NKAIN3: variants seen among roughly 807,000 people sequenced by gnomAD.
NKAIN3 encodes the protein sodium/potassium-transporting ATPase subunit beta-1-interacting protein 3.
Under a neutral mutation model 30.2 loss-of-function variants are expected in NKAIN3, and 25 were observed. The ratio of observed to expected loss-of-function variants is 0.83; its 90% CI spans 0.60 to 1.16. The LOEUF (loss-of-function observed/expected upper bound fraction) is 1.16. NKAIN3 is among the 50% of genes most tolerant of loss of function. The pLI, the probability that NKAIN3 is intolerant of heterozygous loss-of-function variation, is 0.00. For missense variants in NKAIN3, 225 were observed against 254.1 expected, an observed-to-expected ratio of 0.89 and a Z score of 0.78; for synonymous variants, 91 against 89.6, an observed-to-expected ratio of 1.02 and a Z score of -0.09.
intron 1 of NKAIN3, among the ~76,000 whole-genome samples, chr8:62,464,651 C>G (rs1048708221): frequency 6.6e-6 from 1 of 152,012 alleles, no homozygotes; most frequent in Non-Finnish European, 1.5e-5. Context: ...GAAAAGTCTC[C>G]CGTGATGGGT....
intron 1 of NKAIN3, among the ~76,000 whole-genome samples, chr8:62,507,691 C>G (rs1187378797): frequency 6.6e-6 from 1 of 151,950 alleles, no homozygotes; most frequent in African/African-American, 2.4e-5. Flanking sequence ...TTATATGACT[C>G]TCTTTTCCTT....
chr8:62,801,068 G>T (rs1163190226), intron 4 of NKAIN3, among the ~76,000 whole-genome samples: 1 of 152,202 alleles, frequency 6.6e-6, no homozygotes, highest in Non-Finnish European at 1.5e-5. Context: ...TGGGGGAGGG[G>T]CTCCCACCAT....
intron 3 of NKAIN3, among the ~76,000 whole-genome samples, chr8:62,667,028 G>C (rs1813125506): frequency 6.6e-6 from 1 of 151,336 alleles, no homozygotes. Flanking sequence ...AGTAAGTAAA[G>C]AATAAAGTAT....
At position 62,603,470 on chromosome 8, in the gene NKAIN3, T is replaced by C. The variant is rs1209144326; in HGVS notation, c.273+13676T>C. On this transcript the variant is annotated intron_variant, in intron 3 of 6. Transcript: ENST00000623646. ...AATTACTCAATGCTACTCCCACGTA[T>C]GTTACAGAGGCAAAACTTAAGTCAT... Among the ~76,000 whole-genome samples the C allele has an allele frequency of 5.9e-5, 9 of 152,290 alleles. 1 individual carries two copies. The highest frequency in any genetic ancestry group is 1.0e-4 in the Non-Finnish European group (7 of 68,010).
Position 62,305,642 on chromosome 8 carries a change from G to C in NKAIN3, c.54+56515G>C, listed in dbSNP as rs1267871375. ...CTTTAAAATATCTGTCCAGGATGCTGTAAATCTCTTTGGAGGTCTAAACAC... is the reference window on the plus strand; with the variant it reads ...CTTTAAAATATCTGTCCAGGATGCTCTAAATCTCTTTGGAGGTCTAAACAC... On this transcript the variant is annotated intron_variant, in intron 1 of 6. Coordinates refer to ENST00000623646, the MANE Select transcript of NKAIN3 (RefSeq NM_001304533.3). Among the ~76,000 whole-genome samples, 2 of 150,514 alleles carry C rather than the reference G, an allele frequency of 1.3e-5. 1 individual carries two copies. Among genetic ancestry groups the C allele is most frequent in the African/African-American group, 5.0e-5 (2 of 39,896 alleles).
chr8:62,352,831 C>T (rs1039062773), intron 1 of NKAIN3, among the ~76,000 whole-genome samples: 2 of 152,142 alleles, frequency 1.3e-5, no homozygotes, highest in South Asian at 2.1e-4. Context: ...CTTTGTGGAA[C>T]ACCCACTACT....
At chr8:62,819,849 T>A (rs939987760) in intron 4 of NKAIN3, among the ~76,000 whole-genome samples, 31 of 152,074 alleles carry the variant, frequency 2.0e-4, no homozygotes, top group African/African-American at 7.2e-4. Flanking sequence ...ATAATTTTTT[T>A]AAAAACTTCA....
intron 5 of NKAIN3, among the ~76,000 whole-genome samples, chr8:62,919,447 G>T (rs922508317): frequency 6.6e-6 from 1 of 151,270 alleles, no homozygotes; most frequent in Non-Finnish European, 1.5e-5. Context: ...GGGTTTCACC[G>T]TGTTAGCCAG....
chr8:62,933,756 G>A (rs569491953), intron 5 of NKAIN3, among the ~76,000 whole-genome samples: 1 of 152,310 alleles, frequency 6.6e-6, no homozygotes, highest in South Asian at 2.1e-4. Context: ...AAATAAAAAT[G>A]TTGAATAGCT....
chr8:62,871,922 C>T (rs2060176219), intron 4 of NKAIN3, among the ~76,000 whole-genome samples: 1 of 152,166 alleles, frequency 6.6e-6, no homozygotes, highest in Admixed American at 6.5e-5. Flanking sequence ...ATGGAATCCA[C>T]ATAGGAATTT....
Position 62,382,829 on chromosome 8 carries a change from C to A in NKAIN3, c.54+133702C>A, listed in dbSNP as rs1225672745. 2.6e-5 allele frequency among the ~76,000 whole-genome samples: 4 copies of A among 152,206 alleles called. No individual in the cohort carries two copies. In the South Asian group the frequency reaches 8.3e-4, roughly 32 times the overall value. Reference sequence around the variant, plus strand: ...TTCACGCTCCACCTTTTTTCCATATCCAAAATTTCTTTCACAGTTTCCTTG... The same window carrying A: ...TTCACGCTCCACCTTTTTTCCATATACAAAATTTCTTTCACAGTTTCCTTG... On this transcript the variant is annotated intron_variant, in intron 1 of 6. Transcript: ENST00000623646.
chr8:62,631,839 G>A (rs957572787), intron 3 of NKAIN3, among the ~76,000 whole-genome samples: 5 of 152,126 alleles, frequency 3.3e-5, no homozygotes, highest in Non-Finnish European at 7.4e-5. Context: ...TAATATCTGT[G>A]CATTAGCTCA....
At chr8:62,321,964 C>T (rs1487703549) in intron 1 of NKAIN3, among the ~76,000 whole-genome samples, 5 of 152,178 alleles carry the variant, frequency 3.3e-5, no homozygotes, top group Non-Finnish European at 5.9e-5. Context: ...CCTTGAGCTG[C>T]GGTGGGCTCT....
chr8:62,945,313 T>G (rs1048447749), intron 5 of NKAIN3, among the ~76,000 whole-genome samples: 1 of 152,356 alleles, frequency 6.6e-6, no homozygotes, highest in African/African-American at 2.4e-5. Flanking sequence ...TGACCTATCA[T>G]CTAAAGTTAT....
At chr8:62,679,903 C>T (rs1563513377) in intron 3 of NKAIN3, among the ~76,000 whole-genome samples, 1 of 152,106 alleles carries the variant, frequency 6.6e-6, no homozygotes, top group South Asian at 2.1e-4. Flanking sequence ...AAAATAACTT[C>T]GCAGGTATAA....
At chr8:62,505,664 A>G (rs1807609016) in intron 1 of NKAIN3, among the ~76,000 whole-genome samples, 1 of 152,156 alleles carries the variant, frequency 6.6e-6, no homozygotes, top group African/African-American at 2.4e-5. Flanking sequence ...TCAAATACTG[A>G]TAGATCCATA....
chr8:62,997,447 G>A (rs1045318441), intron 5 of NKAIN3, among the ~76,000 whole-genome samples: 3 of 152,014 alleles, frequency 2.0e-5, no homozygotes, highest in Non-Finnish European at 2.9e-5. Context: ...AAACTAAAAG[G>A]TCAATAATAC....
At chr8:62,656,138 G>A (rs778779308) in intron 3 of NKAIN3, among the ~76,000 whole-genome samples, 7 of 152,088 alleles carry the variant, frequency 4.6e-5, no homozygotes, top group Non-Finnish European at 8.8e-5. Context: ...GAAAGCTGCA[G>A]TACCTTTCAG....
At chr8:62,472,024 T>A (rs71513479) in intron 1 of NKAIN3, among the ~76,000 whole-genome samples, 5 of 112,770 alleles carry the variant, frequency 4.4e-5, no homozygotes, top group Admixed American at 2.7e-4. Context: ...GGCAAGACTC[T>A]GTTTAAAAAA....
Sources: gnomAD v4.1 joint callset for allele counts (sites outside exome capture counted in the v4.1 genomes callset) on GRCh38, gnomAD v4.1.1 for gene constraint, MANE v1.5 for transcripts, NCBI Gene and HGNC (gene_info 2026-07-23, HGNC 2026-07-21) for gene names.